Variants in TMEM240 observed in about 807,000 individuals in gnomAD.
TMEM240 encodes the protein transmembrane protein C1orf70.
Under a neutral mutation model 19.5 loss-of-function variants are expected in TMEM240, and 3 were observed. That is an observed-to-expected ratio of 0.15 (90% CI 0.07 to 0.40). The LOEUF is 0.40. Among genes scored for constraint, TMEM240 ranks in the 10% least tolerant of loss-of-function variants. TMEM240 has a pLI of 1.00. For missense variants in TMEM240, 210 were observed against 253.5 expected (o/e 0.83, Z 1.17); for synonymous variants, 123 against 109.3 (o/e 1.13, Z -0.78).
rs987738759 is a variant in TMEM240 at position 1,536,209 on chromosome 1, C to T, written c.165-412G>A. On this transcript the variant is annotated intron_variant, in intron 2 of 3. Transcript: ENST00000378733. This position sits in a 1 kb window ranked among gnomAD's most constrained non-coding sequence, Gnocchi z 5.4. ...AGCTCACCCGCCCGCCCCGGGGCCG[C>T]GGAGGCCACTTGGAGCAGAGCTGGA... is the stretch of plus-strand genomic sequence containing the variant. 5.9e-5 allele frequency among the ~76,000 whole-genome samples: 9 copies of T among 152,090 alleles called. No individual in the cohort carries two copies. Among genetic ancestry groups the T allele is most frequent in the Non-Finnish European group, 8.8e-5 (6 of 67,984 alleles).
At chr1:1,540,253 G>T in intron 1 of TMEM240, 37 bp downstream of exon 1, 1 of 1,291,654 alleles carries the variant, frequency 7.7e-7, no homozygotes, top group South Asian at 2.4e-5. Context: ...GCGCGGGCGG[G>T]GAGCAGGGGG....
chr1:1,538,345 G>A (rs113587083), intron 2 of TMEM240, among the ~76,000 whole-genome samples: 7 of 152,326 alleles, frequency 4.6e-5, no homozygotes, highest in East Asian at 1.9e-4. Context: ...GCACCCACCC[G>A]AGTCCACGCG....
At position 1,536,603 on chromosome 1, in the gene TMEM240, G is replaced by C. The variant is rs1032327322; in HGVS notation, c.165-806C>G. ...CCAGGCTCAGGCCACAACAGCCTCT[G>C]GCCTCTTGCTGCTGGGGCAACACAA... On this transcript the variant is annotated intron_variant, in intron 2 of 3. Transcript: ENST00000378733. The surrounding 1 kb of genome is among the most constrained non-coding windows in gnomAD (Gnocchi z 5.4). 2.0e-5 allele frequency among the ~76,000 whole-genome samples: 3 copies of C among 152,168 alleles called. No individual in the cohort carries two copies. The highest frequency in any genetic ancestry group is 4.4e-5 in the Non-Finnish European group (3 of 68,016).
At chr1:1,538,463 G>A (rs1036217274) in intron 2 of TMEM240, among the ~76,000 whole-genome samples, 5 of 152,230 alleles carry the variant, frequency 3.3e-5, no homozygotes, top group African/African-American at 7.2e-5. Flanking sequence ...GGATGCACAC[G>A]GCCCCAGCCC....
intron 1 of TMEM240, among the ~76,000 whole-genome samples, 154 bp from the exon 2 acceptor site, chr1:1,539,944 G>A (rs1471062804): frequency 3.1e-5 from 4 of 129,104 alleles, no homozygotes; most frequent in Admixed American, 7.7e-5. Context: ...GGGGAGCGCA[G>A]CGGGTATGGG....
rs1274881133 is a variant in TMEM240 at position 1,535,758 on chromosome 1, C to T, written c.204G>A (p.Gln68=). The T allele has an allele frequency of 3.9e-6, 6 of 1,550,276 alleles. No homozygotes were observed. The highest frequency in any genetic ancestry group is 5.2e-6 in the Non-Finnish European group (6 of 1,146,660). Residue 68 remains glutamine, a synonymous_variant, in exon 3 of 4, where the codon CAG becomes CAA. Transcript: ENST00000378733. The surrounding 1 kb of genome is among the most constrained non-coding windows in gnomAD (Gnocchi z 8.2). ...IHYVIPYDGD[Q]SVVDASENYF... ...AGTTCTCGGAGGCGTCCACCACCGACTGGTCCCCGTCGTACGGGATCACGT... is the reference window on the plus strand; with the variant it reads ...AGTTCTCGGAGGCGTCCACCACCGATTGGTCCCCGTCGTACGGGATCACGT...
rs185600923 is a variant in TMEM240 at position 1,536,718 on chromosome 1, G to C, written c.165-921C>G. Among the ~76,000 whole-genome samples the C allele has an allele frequency of 1.3e-5, 2 of 152,230 alleles. No homozygotes were observed. Among genetic ancestry groups the C allele is most frequent in the Admixed American group, 1.3e-4 (2 of 15,306 alleles). ...GCCGATCGGACTGGCATCCCAGACA[G>C]TCAACTCTGGGATCCCTAGTCCAAC... On this transcript the variant is annotated intron_variant, in intron 2 of 3. Coordinates refer to ENST00000378733, the MANE Select transcript of TMEM240 (RefSeq NM_001114748.2). The surrounding 1 kb of genome is among the most constrained non-coding windows in gnomAD (Gnocchi z 5.4).
In TMEM240 at chr1:1,535,511, C is replaced by T. The variant is rs778858593; in HGVS notation, c.374-4G>A. On this transcript the variant is annotated splice_polypyrimidine_tract_variant and splice_region_variant and intron_variant, in intron 3 of 3. Transcript: ENST00000378733. The surrounding 1 kb of genome is among the most constrained non-coding windows in gnomAD (Gnocchi z 8.2). ...GGCAGCCAGGTCCACGAGCCATCTG[C>T]GGGGGGACAGGGGCGGTCAGGCGGC... The T allele has an allele frequency of 3.0e-5, 47 of 1,544,424 alleles. No homozygotes were observed. Among genetic ancestry groups the T allele is most frequent in the African/African-American group, 1.5e-4 (11 of 72,660 alleles).
intron 2 of TMEM240, among the ~76,000 whole-genome samples, chr1:1,538,332 C>T (rs757349349): frequency 6.6e-6 from 1 of 152,240 alleles, no homozygotes; most frequent in Non-Finnish European, 1.5e-5. Context: ...CTGCCTTCAG[C>T]GTGCACCCAC....
chr1:1,535,135 G>C lies in TMEM240; in HGVS notation c.*224C>G. 3.1e-6 allele frequency: 1 copy of C among 326,082 alleles called. No individual in the cohort carries two copies. The highest frequency in any genetic ancestry group is 5.5e-6 in the Non-Finnish European group (1 of 181,000). The allele number at this position is 326,082 out of a possible 1,614,324, so 20.2% of individuals were successfully genotyped here. ...CGCCCTTGTGTCCTGCCCCCCAACT[G>C]CAGGGTCTCCCCTAACCCAACCCCC... On this transcript the variant is annotated 3_prime_UTR_variant, in exon 4 of 4. Coordinates refer to ENST00000378733, the MANE Select transcript of TMEM240 (RefSeq NM_001114748.2). This position sits in a 1 kb window ranked among gnomAD's most constrained non-coding sequence, Gnocchi z 8.2.
chr1:1,537,623 G>T (rs988640081), intron 2 of TMEM240, among the ~76,000 whole-genome samples: 1 of 152,144 alleles, frequency 6.6e-6, no homozygotes, highest in East Asian at 1.9e-4. Context: ...ATCTGCACAC[G>T]TATGTCTGTG....
chr1:1,538,468 C>G (rs1642255368), intron 2 of TMEM240, among the ~76,000 whole-genome samples: 1 of 152,266 alleles, frequency 6.6e-6, no homozygotes, highest in South Asian at 2.1e-4. Flanking sequence ...CACACGGCCC[C>G]AGCCCACGTG....
intron 2 of TMEM240, among the ~76,000 whole-genome samples, chr1:1,537,848 G>A (rs940914231): frequency 1.6e-4 from 25 of 152,218 alleles, no homozygotes; most frequent in African/African-American, 5.5e-4. Context: ...CCCTCTCCAC[G>A]GGGCGCCACG....
At chr1:1,538,746 C>T (rs572658610) in intron 2 of TMEM240, among the ~76,000 whole-genome samples, 2 of 152,234 alleles carry the variant, frequency 1.3e-5, no homozygotes, top group South Asian at 2.1e-4. Context: ...GCATGTCACA[C>T]GCTTAGCAAC....
intron 2 of TMEM240, among the ~76,000 whole-genome samples, chr1:1,538,205 C>G (rs1240953828): frequency 6.6e-6 from 1 of 152,184 alleles, no homozygotes; most frequent in Non-Finnish European, 1.5e-5. Context: ...TACAAGGGCA[C>G]TCTGTACGCT....
chr1:1,537,889 C>T (rs1184952468), intron 2 of TMEM240, among the ~76,000 whole-genome samples: 1 of 152,246 alleles, frequency 6.6e-6, no homozygotes, highest in African/African-American at 2.4e-5. Context: ...CTAGTTTGGA[C>T]GCTGCCTGCC....
intron 1 of TMEM240, among the ~76,000 whole-genome samples, 143 bp downstream of exon 1, chr1:1,540,129 GGGGAGCGCAGGCCGGGGA>G (rs1642280030): frequency 8.9e-6 from 1 of 112,242 alleles, no homozygotes; most frequent in African/African-American, 3.5e-5. Flanking sequence ...GGCCGGGGTG[GGGGAGCGCAGGCCGGGGA>G]GGGGAGCGCA....
At chr1:1,537,906 CTT>C (rs1387749270) in intron 2 of TMEM240, among the ~76,000 whole-genome samples, 1 of 152,232 alleles carries the variant, frequency 6.6e-6, no homozygotes, top group Non-Finnish European at 1.5e-5. Flanking sequence ...TGCCAACAGA[CTT>C]TGGAGCATTG....
chr1:1,535,924 T>G lies in TMEM240; in HGVS notation c.165-127A>C. On this transcript the variant is annotated intron_variant, in intron 2 of 3. Coordinates refer to ENST00000378733, the MANE Select transcript of TMEM240 (RefSeq NM_001114748.2). This position sits in a 1 kb window ranked among gnomAD's most constrained non-coding sequence, Gnocchi z 8.2. ...CCTGGGGGTTCTCTGAAGCAGCCTC[T>G]TGGGCGGGCGGGTCGGGAAGGGGGC... The G allele has an allele frequency of 5.6e-6, 3 of 532,374 alleles. No individual in the cohort carries two copies. The highest frequency in any genetic ancestry group is 6.9e-6 in the Non-Finnish European group (2 of 289,882). 33.0% of individuals were successfully genotyped at this position (532,374 alleles called of 1,614,324 possible). A position where few individuals can be genotyped will look rare whatever the true frequency, so the allele number is the denominator to read the frequency against.
Sources: gnomAD v4.1 joint callset for allele counts (sites outside exome capture counted in the v4.1 genomes callset) on GRCh38, gnomAD v4.1.1 for gene constraint, Gnocchi (gnomAD v3.1) non-coding constraint, MANE v1.5 for transcripts, NCBI Gene and HGNC (gene_info 2026-07-23, HGNC 2026-07-21) for gene names.